ZNF608: variants seen among roughly 807,000 people sequenced by gnomAD.
The protein encoded by ZNF608 is zinc finger protein 608, also known as renal carcinoma antigen NY-REN-36.
In ZNF608, 12 loss-of-function variants were observed where a neutral mutation model predicts 109.0. The observed-to-expected ratio is 0.11, with a 90% CI of 0.07 to 0.18. ZNF608 has a LOEUF of 0.18. Among genes scored for constraint, ZNF608 ranks in the 10% least tolerant of loss-of-function variants. The pLI is 1.00. For synonymous variants in ZNF608, 732 were observed against 717.4 expected, an observed-to-expected ratio of 1.02 and a Z score of -0.33; for missense variants, 1,707 against 1,879.3, an observed-to-expected ratio of 0.91 and a Z score of 1.70.
At chr5:124,666,365 C>T (rs1751479053) in intron 3 of ZNF608, 2 of 152,234 alleles carry the variant, frequency 1.3e-5, no homozygotes. Context: ...CTACTGGATG[C>T]AATCCATGTC....
At chr5:124,706,039 T>G (rs1281673040) in intron 2 of ZNF608, among the ~76,000 whole-genome samples, 1 of 152,184 alleles carries the variant, frequency 6.6e-6, no homozygotes, top group Non-Finnish European at 1.5e-5. Flanking sequence ...GTGACACTGG[T>G]CAGATAATCA....
intron 2 of ZNF608, among the ~76,000 whole-genome samples, chr5:124,716,937 C>T (rs552735244): frequency 2.0e-5 from 3 of 151,220 alleles, no homozygotes; most frequent in South Asian, 2.1e-4. Context: ...CAAAATTAGC[C>T]GGGCCATGGT....
chr5:124,653,272 T>G (rs1320248457), intron 3 of ZNF608, among the ~76,000 whole-genome samples: 1 of 152,242 alleles, frequency 6.6e-6, no homozygotes, highest in Non-Finnish European at 1.5e-5. Context: ...GAACAAGGTC[T>G]TTATTATATA....
intron 2 of ZNF608, among the ~76,000 whole-genome samples, chr5:124,740,868 A>G (rs567340926): frequency 1.4e-4 from 21 of 152,376 alleles, no homozygotes; most frequent in Non-Finnish European, 2.8e-4. Flanking sequence ...CAGAAATCAA[A>G]TAAACCCATC....
At chr5:124,733,642 T>G (rs1204085968) in intron 2 of ZNF608, among the ~76,000 whole-genome samples, 1 of 152,168 alleles carries the variant, frequency 6.6e-6, no homozygotes, top group African/African-American at 2.4e-5. Flanking sequence ...ATTGTGAGCA[T>G]TTCACTACAG....
chr5:124,637,995 G>C, intron 9 of ZNF608, 89 bp from the exon 10 acceptor site: 1 of 1,467,436 alleles, frequency 6.8e-7, no homozygotes, highest in Non-Finnish European at 9.5e-7. Context: ...TTGTTGCCCA[G>C]GCTAGAGTGC....
chr5:124,672,973 A>G (rs1413817383), intron 3 of ZNF608, among the ~76,000 whole-genome samples: 1 of 152,222 alleles, frequency 6.6e-6, no homozygotes, highest in Non-Finnish European at 1.5e-5. Context: ...GGTGACTCTC[A>G]AAGAAACAGG....
At chr5:124,677,002 T>A (rs1469593900) in intron 3 of ZNF608, among the ~76,000 whole-genome samples, 1 of 152,268 alleles carries the variant, frequency 6.6e-6, no homozygotes, top group African/African-American at 2.4e-5. Context: ...AGTGAAATTT[T>A]CTATTACTTA....
chr5:124,676,715 A>G (rs1371374402), intron 3 of ZNF608, among the ~76,000 whole-genome samples: 1 of 152,246 alleles, frequency 6.6e-6, no homozygotes, highest in Non-Finnish European at 1.5e-5. Context: ...TGGATAAATA[A>G]TAATGGTATA....
intron 2 of ZNF608, among the ~76,000 whole-genome samples, chr5:124,740,641 A>G (rs985414850): frequency 1.3e-5 from 2 of 152,206 alleles, no homozygotes; most frequent in African/African-American, 4.8e-5. Flanking sequence ...AAAGAATAAA[A>G]TAAAATGAAT....
At chr5:124,693,417 G>A (rs1041350040) in intron 3 of ZNF608, among the ~76,000 whole-genome samples, 3 of 152,038 alleles carry the variant, frequency 2.0e-5, no homozygotes, top group Admixed American at 1.3e-4. Context: ...ACAAGATAGC[G>A]CTTACATCTT....
chr5:124,691,276 CA>C (rs892194215), intron 3 of ZNF608, among the ~76,000 whole-genome samples: 72 of 144,306 alleles, frequency 5.0e-4, no homozygotes, highest in African/African-American at 1.4e-3. Context: ...AAAAACAAAA[CA>C]AAAAAAAAAG....
chr5:124,746,186 A>G lies in ZNF608; in HGVS notation c.-184+9T>C. 2 of 985,422 alleles carry G rather than the reference A, an allele frequency of 2.0e-6. No individual in the cohort carries two copies. Among genetic ancestry groups the G allele is most frequent in the Non-Finnish European group, 2.4e-6 (2 of 829,926 alleles). The allele number at this position is 985,422 out of a possible 1,614,324, so 61.0% of individuals were successfully genotyped here. On this transcript the variant is annotated intron_variant, in intron 1 of 9. Transcript: ENST00000513986. Reference sequence around the variant, plus strand: ...CACACACACATACACACACACAGACATTGCTTACCTTTTAATCCTTTATCA... The same window carrying G: ...CACACACACATACACACACACAGACGTTGCTTACCTTTTAATCCTTTATCA...
At position 124,691,362 on chromosome 5, in the gene ZNF608, G is replaced by A. The variant is rs549031658; in HGVS notation, c.1162+9652C>T. Reference sequence around the variant, plus strand: ...CAAATGGCCAACAAGTATGTGTGAAGATGCTCAGTGCTCAGCATCACTATC... The same window carrying A: ...CAAATGGCCAACAAGTATGTGTGAAAATGCTCAGTGCTCAGCATCACTATC... On this transcript the variant is annotated intron_variant, in intron 3 of 9. Transcript: ENST00000513986. Among the ~76,000 whole-genome samples, 7 of 152,226 alleles carry A rather than the reference G, an allele frequency of 4.6e-5. No individual in the cohort carries two copies. In the East Asian group the frequency reaches 1.4e-3, roughly 29 times the overall value.
chr5:124,664,376 C>T (rs1321373356), intron 3 of ZNF608, among the ~76,000 whole-genome samples: 2 of 152,102 alleles, frequency 1.3e-5, no homozygotes, highest in Non-Finnish European at 1.5e-5. Context: ...GTTGGGGCTT[C>T]CTCTGAAGCT....
chr5:124,726,478 A>C (rs1754143944), intron 2 of ZNF608, among the ~76,000 whole-genome samples: 1 of 152,014 alleles, frequency 6.6e-6, no homozygotes, highest in Non-Finnish European at 1.5e-5. Context: ...ACATATATCC[A>C]TATCCTCATT....
chr5:124,724,496 CAAAA>C (rs5871102), intron 2 of ZNF608, among the ~76,000 whole-genome samples: 1 of 100,088 alleles, frequency 1.0e-5, no homozygotes, highest in Admixed American at 1.1e-4. Context: ...GCAAAGAGTG[CAAAA>C]AAAAAAAAAA....
At position 124,744,602 on chromosome 5, in the gene ZNF608, T is replaced by A; in HGVS notation, c.388A>T (p.Ile130Phe). Residue 130 changes from isoleucine (I) to phenylalanine (F), a missense_variant, in exon 2 of 10, where the codon ATC becomes TTC. Physicochemically the swap from Ile to Phe is conservative, Grantham distance 21. Around this residue, in one of 7 missense-constraint regions of ZNF608, gnomAD observed 407 missense variants for 398.7 expected, o/e 1.02. Transcript: ENST00000513986. The surrounding 1 kb of genome is among the most constrained non-coding windows in gnomAD (Gnocchi z 4.5). Reference sequence around the variant, plus strand: ...TCCTGCCTCTTGCCAGTGCTGCTGATCTCGGGAATCCCATACAAGGCAGCA... The same window carrying A: ...TCCTGCCTCTTGCCAGTGCTGCTGAACTCGGGAATCCCATACAAGGCAGCA... The part of the protein sequence containing the change: ...PSAALYGIPE[I>F]SSTGKRQEVQ... 6.2e-7 allele frequency: 1 copy of A among 1,614,206 alleles called. No individual in the cohort carries two copies. Among genetic ancestry groups the A allele is most frequent in the Non-Finnish European group, 8.5e-7 (1 of 1,180,038 alleles).
At chr5:124,691,406 A>C (rs1752625988) in intron 3 of ZNF608, among the ~76,000 whole-genome samples, 1 of 152,214 alleles carries the variant, frequency 6.6e-6, no homozygotes, top group South Asian at 2.1e-4. Flanking sequence ...AAATGCAATC[A>C]AAACCATGAG....
Sources: allele counts gnomAD v4.1 joint callset (sites outside exome capture counted in the v4.1 genomes callset), GRCh38; gene constraint gnomAD v4.1.1; regional missense constraint gnomAD v4.1.1; non-coding constraint Gnocchi (gnomAD v3.1); transcripts MANE v1.5; gene names NCBI Gene and HGNC (gene_info 2026-07-23, HGNC 2026-07-21).